The following CPS1 variants were observed in gnomAD, a reference collection of about 807,000 sequenced individuals.
CPS1 encodes carbamoyl-phosphate synthase 1, also known as carbamoyl-phosphate synthase [ammonia], mitochondrial.
In CPS1, 109 loss-of-function variants were observed where a neutral mutation model predicts 174.6. The ratio of observed to expected loss-of-function variants is 0.62; its 90% confidence interval spans 0.53 to 0.73. CPS1 has a LOEUF of 0.73. Ranked by LOEUF, CPS1 falls within the 30% of genes least tolerant of loss-of-function variation. CPS1 has a pLI of 0.00. For missense variants in CPS1, 1,689 were observed against 1,821.9 expected (o/e 0.93, Z 1.33); for synonymous variants, 637 against 632.0 (o/e 1.01, Z -0.12).
chr2:210,647,384 A>G (rs1020253142), intron 25 of CPS1, among the ~76,000 whole-genome samples: 1 of 152,194 alleles, frequency 6.6e-6, no homozygotes, highest in Non-Finnish European at 1.5e-5. Flanking sequence ...TTTATGCTTT[A>G]TTCTCTAGGC....
At chr2:210,505,076 AGT>A (rs757610813) in intron 1 of CPS1, among the ~76,000 whole-genome samples, 24 of 151,942 alleles carry the variant, frequency 1.6e-4, no homozygotes, top group Non-Finnish European at 3.1e-4. Context: ...TCTGCCTAAG[AGT>A]GTGTTTTTAG....
At chr2:210,653,977 A>T (rs772190760) in intron 28 of CPS1, 48 bp from the exon 29 acceptor site, 1 of 1,424,164 alleles carries the variant, frequency 7.0e-7, no homozygotes, top group Non-Finnish European at 9.9e-7. Context: ...GACACTATAT[A>T]CATAGCGTTA....
At position 210,631,715 on chromosome 2, in the gene CPS1, T is replaced by A. The variant is rs1466825126; in HGVS notation, c.2688-5987T>A. The stretch of plus-strand genomic sequence containing the variant: ...ATGCAATGATGAAAGTCTAACCTTT[T>A]GTAAAGTTTGCCCTTGAACTCTCAA... On this transcript the variant is annotated intron_variant, in intron 21 of 37. Transcript: ENST00000233072. 3.3e-5 allele frequency among the ~76,000 whole-genome samples: 5 copies of A among 152,330 alleles called. No homozygotes were observed. In the East Asian group the frequency reaches 9.6e-4, roughly 29 times the overall value.
intron 6 of CPS1, among the ~76,000 whole-genome samples, chr2:210,583,396 T>C (rs1697994652): frequency 6.6e-6 from 1 of 152,136 alleles, no homozygotes; most frequent in African/African-American, 2.4e-5. Flanking sequence ...TAAATCACCA[T>C]GTGCAGAATC....
At position 210,599,494 on chromosome 2, in the gene CPS1, G is replaced by C; in HGVS notation, c.1482G>C (p.Glu494Asp). 2 of 1,612,586 alleles carry C rather than the reference G, an allele frequency of 1.2e-6. No individual in the cohort carries two copies. The highest frequency in any genetic ancestry group is 2.2e-5 in the South Asian group (2 of 91,062). The change falls in exon 14 of 38, where the codon GAG becomes GAC. Residue 494 changes from glutamate to aspartate, a missense_variant. Physicochemically the swap from Glu to Asp is conservative, Grantham distance 45. Coordinates refer to ENST00000233072, the MANE Select transcript of CPS1 (RefSeq NM_001875.5). ...CCATCACCCCTCAGTTTGTCACAGA[G>C]GTCATCAAGGCAGAACAGCCAGATG... ...FLPITPQFVT[E>D]VIKAEQPDGL...
Position 210,616,490 on chromosome 2 carries a change from A to G in CPS1, c.2636A>G (p.Tyr879Cys). 1 of 1,612,294 alleles carries G rather than the reference A, an allele frequency of 6.2e-7. No individual in the cohort carries two copies. The highest frequency in any genetic ancestry group is 8.5e-7 in the Non-Finnish European group (1 of 1,178,718). ...ACATACATTGACAAGTGGTTTTTGT[A>G]TAAGATGCGTGATATTTTAAACATG... ...KLTYIDKWFLYKMRDILNMEK... is the reference protein window; with the variant it reads ...KLTYIDKWFLCKMRDILNMEK... Residue 879 changes from tyrosine (Y) to cysteine (C), a missense_variant, in exon 21 of 38, where the codon TAT becomes TGT. By Grantham distance (194) the Tyr-to-Cys change is radical. Transcript: ENST00000233072.
intron 30 of CPS1, 45 bp downstream of exon 30, chr2:210,656,677 G>C: frequency 4.4e-5 from 53 of 1,192,040 alleles, no homozygotes; most frequent in Non-Finnish European, 5.6e-5. Flanking sequence ...GCAACACTCA[G>C]AAAAAAACAC....
At position 210,600,641 on chromosome 2, in the gene CPS1, G is replaced by A; in HGVS notation, c.1636G>A (p.Asp546Asn). 2 of 1,612,292 alleles carry A rather than the reference G, an allele frequency of 1.2e-6. No homozygotes were observed. Among genetic ancestry groups the A allele is most frequent in the Non-Finnish European group, 1.7e-6 (2 of 1,178,852 alleles). The change falls in exon 15 of 38, where the codon GAC becomes AAC. Residue 546 changes from aspartate to asparagine, a missense_variant. By Grantham distance (23) the Asp-to-Asn change is conservative. Coordinates refer to ENST00000233072, the MANE Select transcript of CPS1 (RefSeq NM_001875.5). The part of the protein sequence containing the change: ...TSVESIMATE[D>N]RQLFSDKLNE... The stretch of plus-strand genomic sequence containing the variant: ...AGTTGAGTCCATTATGGCTACGGAA[G>A]ACAGGCAGCTGTTTTCAGATAAACT...
At chr2:210,597,774 T>G (rs527763368) in intron 13 of CPS1, among the ~76,000 whole-genome samples, 6 of 151,416 alleles carry the variant, frequency 4.0e-5, no homozygotes, top group Admixed American at 1.3e-4. Flanking sequence ...AAGAATTATT[T>G]TGAAGGTCTC....
chr2:210,602,976 G>T (rs910997035), intron 16 of CPS1, among the ~76,000 whole-genome samples: 1 of 151,802 alleles, frequency 6.6e-6, no homozygotes, highest in Admixed American at 6.6e-5. Context: ...CATGTTAGAG[G>T]AAAACTCTTG....
chr2:210,650,442 G>A lies in CPS1; in HGVS notation c.3480+4G>A. The A allele has an allele frequency of 6.2e-7, 1 of 1,603,358 alleles. No homozygotes were observed. The highest frequency in any genetic ancestry group is 8.5e-7 in the Non-Finnish European group (1 of 1,170,328). On this transcript the variant is annotated splice_donor_region_variant and intron_variant, in intron 28 of 37. Coordinates refer to ENST00000233072, the MANE Select transcript of CPS1 (RefSeq NM_001875.5). ...AGAGGCGACTAGAGTTTCTCAGGTA[G>A]TGTCCAATTTCTTTGTAGTGACTGT...
At chr2:210,532,545 GCTAA>G (rs1343166119) in intron 1 of CPS1, among the ~76,000 whole-genome samples, 2 of 152,006 alleles carry the variant, frequency 1.3e-5, no homozygotes, top group Non-Finnish European at 1.5e-5. Context: ...TATAGCAATA[GCTAA>G]CTATGTCTTT....
At chr2:210,547,950 G>A (rs928814236) in intron 1 of CPS1, among the ~76,000 whole-genome samples, 1 of 151,948 alleles carries the variant, frequency 6.6e-6, no homozygotes, top group Non-Finnish European at 1.5e-5. Flanking sequence ...GTGTGTATGT[G>A]TTATAATAAG....
At position 210,658,449 on chromosome 2, in the gene CPS1, GCCCT is replaced by G. The variant is rs893609457; in HGVS notation, c.3667-147_3667-144del. Reference sequence around the variant, plus strand: ...ATTTTGTTAATAGAAACCTAATAGTGCCCTCCATTATAATTATTAATGTAGATAT... The same window carrying G: ...ATTTTGTTAATAGAAACCTAATAGTGCCATTATAATTATTAATGTAGATAT... On this transcript the variant is annotated intron_variant, in intron 30 of 37. Transcript: ENST00000233072. The G allele has an allele frequency of 2.2e-5, 14 of 641,928 alleles. No individual in the cohort carries two copies. The African/African-American group carries it at 2.2e-4, about 10-fold the overall frequency. 39.8% of individuals were successfully genotyped at this position (641,928 alleles called of 1,614,324 possible). A position where few individuals can be genotyped will look rare whatever the true frequency, so the allele number is the denominator to read the frequency against.
rs933615772 is a variant in CPS1 at position 210,536,422 on chromosome 2, G to A, written c.4-20297G>A. 2.7e-5 allele frequency among the ~76,000 whole-genome samples: 4 copies of A among 150,278 alleles called. 1 individual carries two copies. The highest frequency in any genetic ancestry group is 4.9e-5 in the African/African-American group (2 of 40,596). ...TGCAAGCTCCGCCTCCCGGGTTCAC[G>A]CCATTCTCCTGCCTCAGCCTCCCGA... On this transcript the variant is annotated intron_variant, in intron 1 of 38. Transcript: ENST00000430249.
chr2:210,486,334 T>C (rs1025105488), intron 1 of CPS1, among the ~76,000 whole-genome samples: 1 of 152,180 alleles, frequency 6.6e-6, no homozygotes, highest in Non-Finnish European at 1.5e-5. Context: ...TGTTTTCTCT[T>C]TGGCTTCAGC....
intron 28 of CPS1, 85 bp from the exon 29 acceptor site, chr2:210,653,940 T>C: frequency 2.8e-6 from 3 of 1,067,782 alleles, no homozygotes; most frequent in Non-Finnish European, 4.4e-6. Flanking sequence ...CCCTGATACT[T>C]ATAATACTTA....
chr2:210,517,300 G>T (rs1407520157), intron 1 of CPS1, among the ~76,000 whole-genome samples: 1 of 151,952 alleles, frequency 6.6e-6, no homozygotes, highest in Non-Finnish European at 1.5e-5. Context: ...TCTTCAAAGA[G>T]TCTTAAGGTC....
intron 1 of CPS1, among the ~76,000 whole-genome samples, chr2:210,488,887 TCCTA>T (rs1269007701): frequency 6.6e-6 from 1 of 151,954 alleles, no homozygotes; most frequent in Non-Finnish European, 1.5e-5. Context: ...AAAAAAAAAA[TCCTA>T]AGTAAGTTTA....
Sources: allele counts gnomAD v4.1 joint callset (sites outside exome capture counted in the v4.1 genomes callset), GRCh38; gene constraint gnomAD v4.1.1; transcripts MANE v1.5; gene names NCBI Gene and HGNC (gene_info 2026-07-23, HGNC 2026-07-21).